The following TUG1 variants were observed in gnomAD, a reference collection of about 807,000 sequenced individuals.
The protein encoded by TUG1 is taurine upregulated gene 1.
At chr22:30,971,515 A>G (rs1361126158) in exon 1 of TUG1, 1 of 152,696 alleles carries the variant, frequency 6.5e-6, no homozygotes, top group Non-Finnish European at 1.5e-5. Flanking sequence ...GATAACTTTC[A>G]GTGTAGCCAC....
chr22:30,977,365 A>G (rs2041300814), exon 3 of TUG1: 1 of 152,148 alleles, frequency 6.6e-6, no homozygotes, highest in African/African-American at 2.4e-5. Flanking sequence ...AGTAGGGCCA[A>G]CTTTGACAAA....
exon 3 of TUG1, chr22:30,979,252 A>G (rs1022754776): frequency 6.6e-6 from 1 of 152,242 alleles, no homozygotes; most frequent in African/African-American, 2.4e-5. Context: ...ATGTTTATAA[A>G]TGCATAGAAA....
exon 1 of TUG1, chr22:30,969,311 A>G (rs2041195056): frequency 6.6e-6 from 1 of 152,406 alleles, no homozygotes; most frequent in Admixed American, 6.5e-5. Flanking sequence ...CGGAGGAGCC[A>G]TCTTGTCTCG....
At chr22:30,971,227 A>G (rs552874803) in exon 1 of TUG1, 5 of 152,338 alleles carry the variant, frequency 3.3e-5, no homozygotes, top group South Asian at 2.1e-4. Flanking sequence ...GAAAAAATCA[A>G]TTGACTATTC....
At chr22:30,971,711 T>C (rs1356314474) in exon 1 of TUG1, 1 of 153,080 alleles carries the variant, frequency 6.5e-6, no homozygotes, top group African/African-American at 2.4e-5. Context: ...TTACTGGGAA[T>C]TAGAAGACCT....
At chr22:30,978,422 G>C (rs2041313965) in exon 3 of TUG1, 1 of 152,098 alleles carries the variant, frequency 6.6e-6, no homozygotes, top group Non-Finnish European at 1.5e-5. Flanking sequence ...TTTCATATCT[G>C]TTCTTATCCT....
exon 3 of TUG1, chr22:30,977,933 A>T (rs1194758085): frequency 6.6e-6 from 1 of 152,142 alleles, no homozygotes; most frequent in Non-Finnish European, 1.5e-5. Flanking sequence ...CCTGTATGTA[A>T]TTGTTCATTT....
exon 3 of TUG1, chr22:30,976,592 A>G (rs933071250): frequency 2.2e-4 from 34 of 152,184 alleles, no homozygotes; most frequent in African/African-American, 8.0e-4. Context: ...GCCATGATAT[A>G]TATTTAAGGC....
intron 1 of TUG1, 137 bp from the exon 2 acceptor site, chr22:30,972,718 G>C (rs1379548337): frequency 6.5e-6 from 1 of 152,696 alleles, no homozygotes; most frequent in African/African-American, 2.4e-5. Flanking sequence ...TTTATCATTT[G>C]TCTTTGCCTA....
At chr22:30,974,417 A>T (rs956521794) in intron 2 of TUG1, 1 of 151,890 alleles carries the variant, frequency 6.6e-6, no homozygotes, top group African/African-American at 2.4e-5. Flanking sequence ...CCTAAGTTTA[A>T]TCAAACACAG....
At chr22:30,974,046 A>G (rs1251915587) in intron 2 of TUG1, 2 of 152,182 alleles carry the variant, frequency 1.3e-5, no homozygotes, top group Non-Finnish European at 2.9e-5. Context: ...CCCAATATGA[A>G]ACACAAAGCT....
chr22:30,969,497 C>T (rs1458767653), exon 1 of TUG1: 1 of 152,122 alleles, frequency 6.6e-6, no homozygotes, highest in Non-Finnish European at 1.5e-5. Context: ...GGCGCGCGCC[C>T]GGTGGCCGTT....
At chr22:30,979,245 T>C (rs970918186) in exon 3 of TUG1, 2 of 152,186 alleles carry the variant, frequency 1.3e-5, no homozygotes, top group African/African-American at 4.8e-5. Context: ...TGTGCTTATG[T>C]TTATAAATGC....
exon 1 of TUG1, chr22:30,971,179 T>A (rs1406166785): frequency 6.6e-6 from 1 of 152,238 alleles, no homozygotes; most frequent in East Asian, 1.9e-4. Context: ...TTTGTCTGAT[T>A]AGATGTTAGC....
exon 1 of TUG1, chr22:30,971,063 A>G (rs1276741837): frequency 6.6e-6 from 1 of 152,224 alleles, no homozygotes; most frequent in Non-Finnish European, 1.5e-5. Context: ...AACAAACACT[A>G]TAAAAATGTT....
intron 1 of TUG1, chr22:30,972,290 G>A (rs998516925): frequency 2.0e-5 from 3 of 152,160 alleles, no homozygotes; most frequent in Non-Finnish European, 2.9e-5. Flanking sequence ...TTTGATCTAG[G>A]GAGCCCTCAG....
exon 3 of TUG1, chr22:30,977,442 T>C (rs1292932088): frequency 1.3e-5 from 2 of 152,162 alleles, no homozygotes; most frequent in African/African-American, 2.4e-5. Context: ...TCAAGTCTGA[T>C]TGAGGATAAG....
chr22:30,977,999 C>T (rs757689953), exon 3 of TUG1: 3 of 152,148 alleles, frequency 2.0e-5, no homozygotes, highest in Non-Finnish European at 2.9e-5. Context: ...GTTCGAAAGC[C>T]GCGTCCATTT....
At chr22:30,969,933 T>G (rs2041207396) in exon 1 of TUG1, 1 of 152,156 alleles carries the variant, frequency 6.6e-6, no homozygotes, top group Admixed American at 6.5e-5. Context: ...CTTAGGCGAG[T>G]CACTCTGTAA....
Sources: gnomAD v4.1 joint callset for allele counts on GRCh38, gnomAD v4.1.1 for gene constraint, MANE v1.5 for transcripts, NCBI Gene and HGNC (gene_info 2026-07-23, HGNC 2026-07-21) for gene names.